Variants in ALG9 observed in about 807,000 individuals in gnomAD.
The protein encoded by ALG9 is ALG9 alpha-1,2-mannosyltransferase, also known as alpha-1,2-mannosyltransferase ALG9.
Under a neutral mutation model 81.8 loss-of-function variants are expected in ALG9, and 55 were observed. The observed-to-expected ratio is 0.67, with a 90% CI of 0.54 to 0.84. The LOEUF (loss-of-function observed/expected upper bound fraction) is 0.84. ALG9 is among the 40% of genes least tolerant of loss of function. ALG9 has a pLI of 0.00. For missense variants in ALG9, 629 were observed against 745.0 expected, an observed-to-expected ratio of 0.84 and a Z score of 1.81; for synonymous variants, 278 against 274.3, an observed-to-expected ratio of 1.01 and a Z score of -0.13.
intron 6 of ALG9, 26 bp downstream of exon 6, chr11:111,857,576 T>C (rs1566171619): frequency 6.2e-7 from 1 of 1,613,970 alleles, no homozygotes. Context: ...CAGCGATATA[T>C]GGGAGGAGAA....
At chr11:111,805,976 C>T (rs1949870135) in intron 14 of ALG9, among the ~76,000 whole-genome samples, 1 of 152,104 alleles carries the variant, frequency 6.6e-6, no homozygotes, top group Non-Finnish European at 1.5e-5. Flanking sequence ...CATGTCTCAG[C>T]CTCCTGTGTA....
chr11:111,857,899 CT>C, intron 5 of ALG9, 162 bp from the exon 6 acceptor site: 1 of 811,064 alleles, frequency 1.2e-6, no homozygotes, highest in Non-Finnish European at 1.9e-6. Flanking sequence ...AAGTGATATT[CT>C]TTTTTAAAAA....
intron 14 of ALG9, among the ~76,000 whole-genome samples, chr11:111,808,538 C>T (rs4935811): frequency 0.27 from 40,632 of 152,096 alleles, 5,629 homozygotes; most frequent in Admixed American, 0.34. Flanking sequence ...GGACCCATGC[C>T]TTTCTCTCCA....
intron 14 of ALG9, among the ~76,000 whole-genome samples, chr11:111,792,436 C>T (rs4026115): frequency 0.052 from 7,921 of 152,242 alleles, 691 homozygotes; most frequent in African/African-American, 0.18. Context: ...TTTAGTTTAA[C>T]TACAAGTGAA....
At chr11:111,787,082 G>A (rs1289957624) in intron 14 of ALG9, among the ~76,000 whole-genome samples, 5 of 152,164 alleles carry the variant, frequency 3.3e-5, no homozygotes, top group African/African-American at 1.2e-4. Context: ...TATAAGAACT[G>A]AAAACCTAAA....
intron 13 of ALG9, among the ~76,000 whole-genome samples, chr11:111,815,870 T>C (rs1951397934): frequency 6.6e-6 from 1 of 152,222 alleles, no homozygotes; most frequent in African/African-American, 2.4e-5. Flanking sequence ...ATTTAGCTGG[T>C]AGAAACAATC....
At chr11:111,867,641 TACTC>T (rs1288998983) in intron 3 of ALG9, among the ~76,000 whole-genome samples, 2 of 152,084 alleles carry the variant, frequency 1.3e-5, no homozygotes, top group Non-Finnish European at 2.9e-5. Context: ...GAAAAGAAAT[TACTC>T]AATGTGAACA....
At chr11:111,808,945 A>G (rs1288642109) in intron 14 of ALG9, among the ~76,000 whole-genome samples, 3 of 152,212 alleles carry the variant, frequency 2.0e-5, no homozygotes, top group African/African-American at 7.2e-5. Context: ...TTAAGACTGA[A>G]TAAGGCCTAT....
At chr11:111,822,613 C>T (rs188599846) in intron 13 of ALG9, among the ~76,000 whole-genome samples, 27 of 150,998 alleles carry the variant, frequency 1.8e-4, no homozygotes, top group East Asian at 1.4e-3. Flanking sequence ...CTCAGGAGGG[C>T]GAGGTGGGAG....
chr11:111,870,244 G>C lies in ALG9; in HGVS notation c.258C>G (p.Asn86Lys), dbSNP rs1370770765. ...AGAAATCACCTACTGGCTCCCAGTA[G>C]TTGAATGTTTCATCACAGTCAGAGA... ...SNISDCDETF[N>K]YWEPTHYLIY... is the part of the protein sequence containing the mutation. Residue 86 changes from asparagine to lysine, a missense_variant, in exon 2 of 15, where the codon AAC becomes AAG. Around this residue, in one of 3 missense-constraint regions of ALG9, gnomAD observed 344 missense variants for 390.5 expected, o/e 0.88. Transcript: ENST00000616540. The C allele has an allele frequency of 6.2e-7, 1 of 1,610,228 alleles. No individual in the cohort carries two copies. Among genetic ancestry groups the C allele is most frequent in the East Asian group, 2.2e-5 (1 of 44,864 alleles).
At chr11:111,800,134 A>C (rs11214005) in intron 14 of ALG9, among the ~76,000 whole-genome samples, 44,388 of 151,928 alleles carry the variant, frequency 0.29, 7,279 homozygotes, top group East Asian at 0.53. Context: ...AAAAGTTGTA[A>C]GTTATTCAAG....
At chr11:111,793,293 T>C (rs991383293) in intron 14 of ALG9, among the ~76,000 whole-genome samples, 2 of 152,226 alleles carry the variant, frequency 1.3e-5, no homozygotes, top group Non-Finnish European at 1.5e-5. Flanking sequence ...GTGATTTTCT[T>C]TTTAACCAAA....
rs371881692 is a variant in ALG9, at chr11:111,839,826, T to G, written c.1173+829A>C. The stretch of plus-strand genomic sequence containing the variant: ...TTGATGAACCTTGAAAACATTATGT[T>G]AAGAAAAGCCAGTCACAAAAGACCA... On this transcript the variant is annotated intron_variant, in intron 10 of 14. Coordinates refer to ENST00000616540, the MANE Select transcript of ALG9 (RefSeq NM_024740.2). Among the ~76,000 whole-genome samples the G allele has an allele frequency of 1.6e-4, 24 of 152,240 alleles. No homozygotes were observed. The South Asian group carries it at 4.8e-3, about 30-fold the overall frequency.
rs1964172779 is a variant in ALG9 at position 111,871,139 on chromosome 11, G to A, written c.131+213C>T. ...CATCACAGATCCGCACTCCAAGGCA[G>A]TTTTACAGCGCAGTGGAGGGATCTA... On this transcript the variant is annotated intron_variant, in intron 1 of 14. Transcript: ENST00000616540. 7 of 1,267,848 alleles carry A rather than the reference G, an allele frequency of 5.5e-6. No individual in the cohort carries two copies. In the South Asian group the frequency reaches 2.0e-4, roughly 36 times the overall value. 78.5% of individuals were successfully genotyped at this position (1,267,848 alleles called of 1,614,324 possible). A position where few individuals can be genotyped will look rare whatever the true frequency, so the allele number is the denominator to read the frequency against.
intron 13 of ALG9, among the ~76,000 whole-genome samples, chr11:111,811,709 C>G (rs1390808478): frequency 6.6e-6 from 1 of 152,014 alleles, no homozygotes; most frequent in African/African-American, 2.4e-5. Context: ...ACAGATAAAC[C>G]TTAAAAATAT....
intron 14 of ALG9, among the ~76,000 whole-genome samples, chr11:111,797,109 G>A (rs1009793830): frequency 1.3e-5 from 2 of 152,318 alleles, no homozygotes; most frequent in South Asian, 4.1e-4. Flanking sequence ...ATAAGTAGTG[G>A]CTTTAAAGCA....
intron 13 of ALG9, among the ~76,000 whole-genome samples, chr11:111,826,101 T>TAATAATAATAA (rs1555108220): frequency 2.7e-5 from 1 of 37,128 alleles, no homozygotes; most frequent in African/African-American, 1.1e-4. Flanking sequence ...AATAATAATA[T>TAATAATAATAA]GCGGCCAGGT....
chr11:111,837,817 C>G (rs1955568534), intron 11 of ALG9, among the ~76,000 whole-genome samples: 1 of 152,174 alleles, frequency 6.6e-6, no homozygotes, highest in Non-Finnish European at 1.5e-5. Flanking sequence ...AGGCCCTATT[C>G]TGCAAAAAAT....
rs187026500 is a variant in ALG9, at chr11:111,842,340, T to C, written c.1019-1531A>G. On this transcript the variant is annotated intron_variant, in intron 9 of 14. Transcript: ENST00000616540. ...ATTTTGAAATGTCCTCCATAAAATA[T>C]ACAAAATCACAACCACAGCTAGATA... Among the ~76,000 whole-genome samples the C allele has an allele frequency of 4.0e-4, 61 of 152,348 alleles. 1 individual carries two copies. The East Asian group carries it at 0.01, about 26-fold the overall frequency.
Sources: allele counts gnomAD v4.1 joint callset (sites outside exome capture counted in the v4.1 genomes callset), GRCh38; gene constraint gnomAD v4.1.1; regional missense constraint gnomAD v4.1.1; transcripts MANE v1.5; gene names NCBI Gene and HGNC (gene_info 2026-07-23, HGNC 2026-07-21).